The following ZNF420 variants were observed in gnomAD, a reference collection of about 807,000 sequenced individuals.
ZNF420 encodes the protein zinc finger protein 420.
ZNF420 carries 31 observed loss-of-function variants against 44.7 expected under a neutral mutation model. The observed-to-expected ratio is 0.69, with a 90% CI of 0.52 to 0.94. The LOEUF (loss-of-function observed/expected upper bound fraction) is 0.94. ZNF420 is among the 40% of genes least tolerant of loss of function. The pLI is 0.00. For missense variants in ZNF420, 681 were observed against 827.9 expected (o/e 0.82, Z 2.18); for synonymous variants, 245 against 267.4 (o/e 0.92, Z 0.82).
At chr19:37,113,820 T>A (rs1184638069) in intron 4 of ZNF420, among the ~76,000 whole-genome samples, 1 of 152,134 alleles carries the variant, frequency 6.6e-6, no homozygotes, top group Non-Finnish European at 1.5e-5. Flanking sequence ...GCAGCCCTAT[T>A]TTTTTGGACC....
At position 37,129,250 on chromosome 19, in the gene ZNF420, T is replaced by G. The variant is rs528800395; in HGVS notation, c.*192T>G. ...GGAAACCTATTAAACATTAGCAAAT[T>G]GGAGAATAGTTTTAATATAGTAAAT... On this transcript the variant is annotated 3_prime_UTR_variant, in exon 5 of 5. Transcript: ENST00000337995. 3 of 657,290 alleles carry G rather than the reference T, an allele frequency of 4.6e-6. No individual in the cohort carries two copies. In the Admixed American group the frequency reaches 9.2e-5, roughly 20 times the overall value. 40.7% of individuals were successfully genotyped at this position (657,290 alleles called of 1,614,324 possible).
In ZNF420 at chr19:37,127,432, C is replaced by A. The variant is rs141506168; in HGVS notation, c.441C>A (p.Ala147=). The A allele has an allele frequency of 2.6e-4, 416 of 1,613,872 alleles. 1 individual carries two copies. The highest frequency in any genetic ancestry group is 3.5e-4 in the Non-Finnish European group (410 of 1,179,978). The change falls in exon 5 of 5, where the codon GCC becomes GCA. Residue 147 remains alanine (A), a synonymous_variant. Coordinates refer to ENST00000337995, the MANE Select transcript of ZNF420 (RefSeq NM_144689.5). ...KPYKCKECGK[A]FRRASHLTQH... ...ATAAATGTAAGGAATGTGGGAAAGC[C>A]TTCAGACGAGCCTCACACCTAACAC... is the stretch of plus-strand genomic sequence containing the variant.
chr19:37,108,357 TC>T (rs1215763400), intron 4 of ZNF420: 3 of 152,208 alleles, frequency 2.0e-5, no homozygotes, highest in Non-Finnish European at 4.4e-5. Flanking sequence ...CCACACGCCT[TC>T]CCTTGCTCTC....
intron 1 of ZNF420, among the ~76,000 whole-genome samples, chr19:37,066,835 G>A (rs1158436217): frequency 6.6e-6 from 1 of 152,122 alleles, no homozygotes; most frequent in Non-Finnish European, 1.5e-5. Context: ...AAACAGACAT[G>A]TCCAAGAATG....
At chr19:37,040,910 C>G (rs927186772) in intron 1 of ZNF420, among the ~76,000 whole-genome samples, 1 of 151,848 alleles carries the variant, frequency 6.6e-6, no homozygotes, top group Non-Finnish European at 1.5e-5. Context: ...TCACAGCCCC[C>G]CAAACTTCCC....
chr19:37,123,663 G>A lies in ZNF420; in HGVS notation c.137-3465G>A, dbSNP rs528114488. On this transcript the variant is annotated intron_variant, in intron 4 of 4. Transcript: ENST00000337995. ...CTGTCACCCAGGCTGGAGTGCAGTG[G>A]TGCAATCTTGGCTCACTGCAACCTC... 3.6e-5 allele frequency among the ~76,000 whole-genome samples: 5 copies of A among 140,146 alleles called. No individual in the cohort carries two copies. The South Asian group carries it at 1.1e-3, about 31-fold the overall frequency. The allele number at this position is 140,146 out of a possible 152,430, so 91.9% of individuals were successfully genotyped here.
chr19:37,034,858 A>G (rs1039349711), intron 1 of ZNF420, among the ~76,000 whole-genome samples: 13 of 152,224 alleles, frequency 8.5e-5, no homozygotes, highest in African/African-American at 3.1e-4. Flanking sequence ...CAAGGTACAG[A>G]GAAGAGGATA....
intron 4 of ZNF420, among the ~76,000 whole-genome samples, chr19:37,121,215 C>T (rs1418549734): frequency 6.8e-6 from 1 of 147,142 alleles, no homozygotes; most frequent in East Asian, 2.0e-4. Context: ...TGCTACCTGA[C>T]CTCAAACTAT....
chr19:37,072,050 A>G (rs1968067874), intron 1 of ZNF420, among the ~76,000 whole-genome samples: 1 of 152,200 alleles, frequency 6.6e-6, no homozygotes, highest in Admixed American at 6.5e-5. Flanking sequence ...ATACTCGAAT[A>G]ACATTGTAAA....
At chr19:37,086,331 C>T (rs369910978) in intron 2 of ZNF420, among the ~76,000 whole-genome samples, 13 of 152,182 alleles carry the variant, frequency 8.5e-5, no homozygotes, top group Admixed American at 2.6e-4. Context: ...GAGTACTCAG[C>T]GCTTTCTCTG....
intron 1 of ZNF420, among the ~76,000 whole-genome samples, chr19:37,023,972 A>G (rs1217841521): frequency 2.0e-5 from 3 of 152,090 alleles, no homozygotes; most frequent in Non-Finnish European, 4.4e-5. Flanking sequence ...AGATCAGGCC[A>G]TGATGGAAGA....
In ZNF420 at chr19:37,085,959, T is replaced by TATC. The variant is rs1395782709; in HGVS notation, c.-80-3078_-80-3077insCAT. 3.4e-5 allele frequency among the ~76,000 whole-genome samples: 5 copies of TATC among 147,432 alleles called. No individual in the cohort carries two copies. The Admixed American group carries it at 3.4e-4, about 10-fold the overall frequency. On this transcript the variant is annotated intron_variant, in intron 2 of 4. Transcript: ENST00000337995. ...GTTTTATTATTATTATTATTATTAT[T>TATC]ATTATTATTATTATTATTATTTTGT...
At chr19:37,058,485 A>G (rs1967799936) in intron 1 of ZNF420, among the ~76,000 whole-genome samples, 1 of 152,122 alleles carries the variant, frequency 6.6e-6, no homozygotes, top group African/African-American at 2.4e-5. Flanking sequence ...TCAGGGATCC[A>G]AAGGGCAAGG....
chr19:37,106,292 G>A (rs6510587), intron 4 of ZNF420, among the ~76,000 whole-genome samples: 80,428 of 152,046 alleles, frequency 0.53, 22,290 homozygotes, highest in African/African-American at 0.66. Context: ...TTTGTCTTTG[G>A]TTCTGTTTAT....
At chr19:37,114,365 T>A (rs2146682440) in intron 4 of ZNF420, among the ~76,000 whole-genome samples, 1 of 152,304 alleles carries the variant, frequency 6.6e-6, no homozygotes, top group East Asian at 1.9e-4. Context: ...GGTTGGGTCT[T>A]ATTTTCCACC....
intron 1 of ZNF420, among the ~76,000 whole-genome samples, chr19:37,056,067 T>A (rs1568431711): frequency 6.6e-6 from 1 of 151,520 alleles, no homozygotes; most frequent in Non-Finnish European, 1.5e-5. Context: ...TTCTCTCTTC[T>A]CTCTCTGTCT....
intron 4 of ZNF420, among the ~76,000 whole-genome samples, chr19:37,112,532 GA>G (rs1237902061): frequency 1.3e-5 from 2 of 152,142 alleles, no homozygotes; most frequent in African/African-American, 2.4e-5. Context: ...AGCAATGATA[GA>G]GACATCTGCT....
intron 1 of ZNF420, among the ~76,000 whole-genome samples, chr19:37,060,912 G>T (rs1008065864): frequency 6.6e-6 from 1 of 152,112 alleles, no homozygotes; most frequent in Admixed American, 6.5e-5. Flanking sequence ...TGGGTGCAGG[G>T]GAGGTTGCGT....
intron 1 of ZNF420, among the ~76,000 whole-genome samples, chr19:37,059,898 T>C (rs1419360345): frequency 6.6e-6 from 1 of 152,032 alleles, no homozygotes; most frequent in Non-Finnish European, 1.5e-5. Flanking sequence ...TTCCTGTTTC[T>C]CTCTCTCCCT....
Sources: allele counts gnomAD v4.1 joint callset (sites outside exome capture counted in the v4.1 genomes callset), GRCh38; gene constraint gnomAD v4.1.1; transcripts MANE v1.5; gene names NCBI Gene and HGNC (gene_info 2026-07-23, HGNC 2026-07-21).